Variants in H4C15 observed in about 807,000 individuals in gnomAD.
H4C15 encodes the protein H4 clustered histone 15, also known as histone H4.
the H4C15 span, chr1:149,847,400 C>G: frequency 2.6e-5 from 4 of 152,204 alleles, no homozygotes; most frequent in Non-Finnish European, 5.9e-5. Flanking sequence ...AAGTCTAACC[C>G]CTAGTTGCTT....
chr1:149,850,037 T>C (rs150206302), downstream of H4C15, among the ~76,000 whole-genome samples: 5 of 152,354 alleles, frequency 3.3e-5, no homozygotes, highest in East Asian at 7.7e-4. Flanking sequence ...CAGGAAACAA[T>C]CTCCTGGGCA....
downstream of H4C15, chr1:149,850,136 C>A (rs986633989): frequency 5.5e-6 from 3 of 550,270 alleles, no homozygotes; most frequent in Non-Finnish European, 9.8e-6. Context: ...TAGTAAGATA[C>A]CACTATCAAT....
chr1:149,845,301 A>G, the H4C15 span: 29 of 152,254 alleles, frequency 1.9e-4, no homozygotes, highest in Non-Finnish European at 3.5e-4. Flanking sequence ...CTGGGAATAC[A>G]GCAGTAAACA....
chr1:149,849,360 A>C (rs372850126), downstream of H4C15, among the ~76,000 whole-genome samples: 83 of 152,290 alleles, frequency 5.5e-4, no homozygotes, highest in African/African-American at 1.9e-3. Flanking sequence ...AGAGACTTTA[A>C]GTCTTAATCA....
chr1:149,850,618 G>T, downstream of H4C15: 1 of 528,780 alleles, frequency 1.9e-6, no homozygotes, highest in South Asian at 2.1e-5. Context: ...AGATGCCGGT[G>T]TCGGGGTGGA....
the H4C15 span, chr1:149,848,234 C>T: frequency 6.6e-6 from 1 of 152,140 alleles, no homozygotes; most frequent in Non-Finnish European, 1.5e-5. Context: ...CAACTCTGTC[C>T]TAATTGACCC....
At chr1:149,844,691 A>C in the H4C15 span, 8 of 152,130 alleles carry the variant, frequency 5.3e-5, no homozygotes, top group African/African-American at 1.9e-4. Context: ...TACCTACATA[A>C]AATCCCAAAT....
At chr1:149,847,426 T>C in the H4C15 span, 1 of 152,200 alleles carries the variant, frequency 6.6e-6, no homozygotes, top group East Asian at 1.9e-4. Flanking sequence ...TTTGCCTTCT[T>C]TGGAAACAGG....
downstream of H4C15, among the ~76,000 whole-genome samples, chr1:149,855,767 T>TGAGAGA (rs1161549801): frequency 2.0e-4 from 4 of 20,480 alleles, no homozygotes. Context: ...TGTGTGTGTG[T>TGAGAGA]GAGAGAGAGA....
chr1:149,848,101 T>A, the H4C15 span: 1 of 152,214 alleles, frequency 6.6e-6, no homozygotes, highest in African/African-American at 2.4e-5. Context: ...TTATTTAAAA[T>A]TTTTAAATAA....
the H4C15 span, chr1:149,844,674 TCTTATGTAC>T: frequency 7.9e-5 from 12 of 152,282 alleles, no homozygotes; most frequent in African/African-American, 2.9e-4. Flanking sequence ...CACTTTTTTC[TCTTATGTAC>T]CTACATAAAA....
At chr1:149,846,923 A>C in the H4C15 span, 1 of 152,222 alleles carries the variant, frequency 6.6e-6, no homozygotes, top group African/African-American at 2.4e-5. Flanking sequence ...CAATGGTTTT[A>C]AAACAACAGT....
At chr1:149,849,001 T>C in the H4C15 span, 5 of 152,182 alleles carry the variant, frequency 3.3e-5, no homozygotes, top group Non-Finnish European at 7.3e-5. Flanking sequence ...AGCAAAGAGC[T>C]TCTCAAATTT....
At chr1:149,850,288 T>C (rs782075360), downstream of H4C15, 1 of 1,386,166 alleles carries the variant, frequency 7.2e-7, no homozygotes, top group South Asian at 1.2e-5. Context: ...ATTCTTTAAC[T>C]GAGGTGGTTA....
downstream of H4C15, chr1:149,850,582 G>A (rs2092173851): frequency 3.2e-6 from 2 of 619,374 alleles, no homozygotes; most frequent in Non-Finnish European, 5.4e-6. Flanking sequence ...TGAGGAAGGA[G>A]TTCATGATGC....
At chr1:149,850,600 C>T (rs782552941), downstream of H4C15, 28 of 563,194 alleles carry the variant, frequency 5.0e-5, no homozygotes, top group Non-Finnish European at 8.1e-5. Flanking sequence ...TGCCCATGGC[C>T]TTGCACCAGA....
the H4C15 span, chr1:149,846,813 T>C: frequency 4.6e-5 from 7 of 152,264 alleles, no homozygotes; most frequent in South Asian, 1.4e-3. Context: ...TCAGTAATAT[T>C]AATATGCAAT....
the H4C15 span, chr1:149,845,471 T>C: frequency 0.05 from 7,602 of 152,332 alleles, 254 homozygotes; most frequent in Non-Finnish European, 0.079. Flanking sequence ...AGCAGAGAGC[T>C]GAATACAGTA....
chr1:149,845,641 G>A, the H4C15 span: 14 of 152,270 alleles, frequency 9.2e-5, no homozygotes, highest in African/African-American at 2.2e-4. Flanking sequence ...CAGAGATCAC[G>A]GAGGTGCTTG....
Sources: allele counts gnomAD v4.1 joint callset (sites outside exome capture counted in the v4.1 genomes callset), GRCh38; gene constraint gnomAD v4.1.1; transcripts MANE v1.5; gene names NCBI Gene and HGNC (gene_info 2026-07-23, HGNC 2026-07-21).